Variants in TAF3 observed in about 807,000 individuals in gnomAD.
The protein encoded by TAF3 is TATA-box binding protein associated factor 3.
A neutral mutation model predicts 80.6 loss-of-function variants in TAF3; 7 were observed. The observed-to-expected ratio is 0.09, with a 90% CI of 0.05 to 0.16. TAF3 has a LOEUF of 0.16. Among genes scored for constraint, TAF3 ranks in the 10% least tolerant of loss-of-function variants. The pLI is 1.00. For synonymous variants in TAF3, 444 were observed against 446.1 expected (o/e 1.00, Z 0.06); for missense variants, 921 against 1,140.2 (o/e 0.81, Z 2.77).
At chr10:7,959,936 T>C (rs944053588) in intron 2 of TAF3, among the ~76,000 whole-genome samples, 27 of 152,208 alleles carry the variant, frequency 1.8e-4, no homozygotes, top group African/African-American at 6.0e-4. Flanking sequence ...TAGGGAATGC[T>C]TGGAGTAGAG....
At chr10:8,011,739 G>A (rs182232218) in intron 5 of TAF3, among the ~76,000 whole-genome samples, 10 of 152,252 alleles carry the variant, frequency 6.6e-5, no homozygotes, top group East Asian at 3.9e-4. Flanking sequence ...CTTGACCTTC[G>A]TGTCTTCATC....
At chr10:7,946,088 A>G (rs1304858157) in intron 2 of TAF3, among the ~76,000 whole-genome samples, 1 of 152,168 alleles carries the variant, frequency 6.6e-6, no homozygotes. Flanking sequence ...CGGGTCATCC[A>G]TAACGTCACT....
Position 7,965,214 on chromosome 10 carries a change from T to C in TAF3, c.1704T>C (p.Thr568=), listed in dbSNP as rs1398071020. The stretch of plus-strand genomic sequence containing the variant: ...AAGAGAAAGAGAAAGACAAGGAAAC[T>C]GGCAGGGAAACAAAGTATCCCTGGA... ...KVKEKEKDKE[T]GRETKYPWKE... Residue 568 remains threonine (T), a synonymous_variant, in exon 3 of 7, where the codon ACT becomes ACC. Transcript: ENST00000344293. 3 of 1,606,524 alleles carry C rather than the reference T, an allele frequency of 1.9e-6. No homozygotes were observed. The African/African-American group carries it at 4.0e-5, about 22-fold the overall frequency.
intron 2 of TAF3, among the ~76,000 whole-genome samples, chr10:7,950,328 G>A (rs1322290220): frequency 1.3e-5 from 2 of 152,160 alleles, no homozygotes. Flanking sequence ...AGAATATGTG[G>A]GCATGAAGAC....
intron 2 of TAF3, among the ~76,000 whole-genome samples, chr10:7,935,742 G>A (rs774906583): frequency 6.6e-6 from 1 of 152,162 alleles, no homozygotes; most frequent in Non-Finnish European, 1.5e-5. Context: ...GGTCCACTGG[G>A]GAAGCACATT....
chr10:7,873,617 T>TCCG (rs1837286914), intron 2 of TAF3, among the ~76,000 whole-genome samples: 2 of 92,840 alleles, frequency 2.2e-5, no homozygotes, highest in South Asian at 3.6e-4. Flanking sequence ...ATCCGAGTTC[T>TCCG]CCCCCCCCCC....
intron 2 of TAF3, among the ~76,000 whole-genome samples, chr10:7,827,623 TA>T (rs894748264): frequency 2.0e-5 from 3 of 151,878 alleles, no homozygotes; most frequent in African/African-American, 7.3e-5. Flanking sequence ...CTACTAAAGA[TA>T]CAAATATTAG....
intron 2 of TAF3, among the ~76,000 whole-genome samples, chr10:7,951,518 C>G (rs1838082044): frequency 6.6e-6 from 1 of 152,194 alleles, no homozygotes; most frequent in Admixed American, 6.5e-5. Flanking sequence ...AAGGCAAGTC[C>G]TTAGTGTGCA....
At chr10:7,819,645 G>T (rs966695628) in intron 1 of TAF3, among the ~76,000 whole-genome samples, 1 of 152,140 alleles carries the variant, frequency 6.6e-6, no homozygotes, top group Non-Finnish European at 1.5e-5. Flanking sequence ...GGAAGGAATG[G>T]AATATTTTAA....
chr10:7,959,299 C>G (rs927952329), intron 2 of TAF3, among the ~76,000 whole-genome samples: 1 of 151,992 alleles, frequency 6.6e-6, no homozygotes, highest in Non-Finnish European at 1.5e-5. Flanking sequence ...AATAAGAAAC[C>G]TTTGTTTGTT....
At position 7,918,241 on chromosome 10, in the gene TAF3, G is replaced by T. The variant is rs1422449898; in HGVS notation, c.410-45679G>T. Reference sequence around the variant, plus strand: ...AAGGGGCGTGATGAAGGTTTGAAGAGAGACGAGAATGTATGAAATGGTCTT... The same window carrying T: ...AAGGGGCGTGATGAAGGTTTGAAGATAGACGAGAATGTATGAAATGGTCTT... On this transcript the variant is annotated intron_variant, in intron 2 of 6. Transcript: ENST00000344293. 2.0e-5 allele frequency among the ~76,000 whole-genome samples: 3 copies of T among 152,190 alleles called. No individual in the cohort carries two copies. The East Asian group carries it at 5.8e-4, about 29-fold the overall frequency.
intron 2 of TAF3, among the ~76,000 whole-genome samples, chr10:7,907,496 T>C (rs899126977): frequency 2.1e-4 from 32 of 152,110 alleles, no homozygotes; most frequent in African/African-American, 7.7e-4. Context: ...GTAAAGTGAG[T>C]GTTAAAAATA....
intron 4 of TAF3, among the ~76,000 whole-genome samples, chr10:8,000,928 A>G (rs1489371229): frequency 6.6e-6 from 1 of 152,042 alleles, no homozygotes; most frequent in East Asian, 1.9e-4. Flanking sequence ...ATTCCATCTT[A>G]CACCTCCCTT....
At chr10:7,977,556 A>G (rs1489022847) in intron 4 of TAF3, among the ~76,000 whole-genome samples, 1 of 151,372 alleles carries the variant, frequency 6.6e-6, no homozygotes, top group African/African-American at 2.4e-5. Flanking sequence ...TCTCTTTTTT[A>G]AAGACTAGCA....
At chr10:7,913,022 C>G (rs1373677529) in intron 2 of TAF3, among the ~76,000 whole-genome samples, 1 of 152,146 alleles carries the variant, frequency 6.6e-6, no homozygotes, top group Non-Finnish European at 1.5e-5. Flanking sequence ...TTTGGTTTCC[C>G]CTGAGACCTC....
intron 2 of TAF3, among the ~76,000 whole-genome samples, chr10:7,963,554 A>C (rs1300743780): frequency 2.6e-5 from 4 of 151,250 alleles, no homozygotes; most frequent in African/African-American, 9.7e-5. Context: ...TTTTTTTTTT[A>C]GAAATCATGT....
Position 7,818,547 on chromosome 10 carries a change from G to A in TAF3, c.-163G>A. The A allele has an allele frequency of 1.5e-6, 1 of 673,002 alleles. No individual in the cohort carries two copies. The allele number at this position is 673,002 out of a possible 1,614,324, so 41.7% of individuals were successfully genotyped here. A position where few individuals can be genotyped will look rare whatever the true frequency, so the allele number is the denominator to read the frequency against. On this transcript the variant is annotated 5_prime_UTR_variant, in exon 1 of 7. Coordinates refer to ENST00000344293, the MANE Select transcript of TAF3 (RefSeq NM_031923.4). Reference sequence around the variant, plus strand: ...GTCCAAAATGGCGGCTCTCAGGCTGGCGCGCTCCGTGCTGCTGGGGCTTTG... The same window carrying A: ...GTCCAAAATGGCGGCTCTCAGGCTGACGCGCTCCGTGCTGCTGGGGCTTTG...
At chr10:8,003,666 A>C (rs575258624) in intron 4 of TAF3, among the ~76,000 whole-genome samples, 90 of 152,326 alleles carry the variant, frequency 5.9e-4, no homozygotes, top group Middle Eastern at 6.8e-3. Context: ...AAGAACTTAC[A>C]CCATTATCCA....
Position 7,923,123 on chromosome 10 carries a change from A to G in TAF3, c.410-40797A>G, listed in dbSNP as rs551696606. ...TAAGCAACTGTATTTACATTCTACT[A>G]TGAGTATGACAGAACTCTCCAATAG... is the stretch of plus-strand genomic sequence containing the variant. On this transcript the variant is annotated intron_variant, in intron 2 of 6. Coordinates refer to ENST00000344293, the MANE Select transcript of TAF3 (RefSeq NM_031923.4). 2.5e-4 allele frequency among the ~76,000 whole-genome samples: 38 copies of G among 152,246 alleles called. No homozygotes were observed. The South Asian group carries it at 7.9e-3, about 32-fold the overall frequency.
Sources: allele counts gnomAD v4.1 joint callset (sites outside exome capture counted in the v4.1 genomes callset), GRCh38; gene constraint gnomAD v4.1.1; transcripts MANE v1.5; gene names NCBI Gene and HGNC (gene_info 2026-07-23, HGNC 2026-07-21).